Variants in RORA observed in about 807,000 individuals in gnomAD.
RORA encodes the protein nuclear receptor ROR-alpha.
Under a neutral mutation model 69.5 loss-of-function variants are expected in RORA, and 7 were observed. The ratio of observed to expected loss-of-function variants is 0.10; its 90% CI spans 0.06 to 0.19. The LOEUF is 0.19. Ranked by LOEUF, RORA falls within the 10% of genes least tolerant of loss-of-function variation. The probability of loss-of-function intolerance (pLI) is 1.00; values close to 1 mark genes in which losing one functional copy is unlikely to be tolerated. For missense variants in RORA, 457 were observed against 663.0 expected, an observed-to-expected ratio of 0.69 and a Z score of 3.41; for synonymous variants, 261 against 240.8, an observed-to-expected ratio of 1.08 and a Z score of -0.78.
At chr15:60,680,589 A>G (rs1433296414) in intron 1 of RORA, among the ~76,000 whole-genome samples, 1 of 152,170 alleles carries the variant, frequency 6.6e-6, no homozygotes, top group African/African-American at 2.4e-5. Context: ...TGGCAACAAC[A>G]CAATCTCTCG....
intron 1 of RORA, among the ~76,000 whole-genome samples, chr15:60,850,567 C>A (rs1430154105): frequency 6.6e-6 from 1 of 152,060 alleles, no homozygotes; most frequent in Admixed American, 6.6e-5. Flanking sequence ...TAAGAGACAC[C>A]CTCTCCTGTG....
chr15:60,846,362 T>C (rs955698070), intron 1 of RORA, among the ~76,000 whole-genome samples: 1 of 152,226 alleles, frequency 6.6e-6, no homozygotes, highest in East Asian at 1.9e-4. Context: ...CAAAGATCAC[T>C]GCTGATTTTC....
At chr15:60,978,166 C>T (rs1893931989) in intron 1 of RORA, among the ~76,000 whole-genome samples, 1 of 152,076 alleles carries the variant, frequency 6.6e-6, no homozygotes, top group Non-Finnish European at 1.5e-5. Flanking sequence ...AGATCATCAA[C>T]ATCATCATCA....
chr15:60,908,685 C>T (rs1322977907), intron 1 of RORA, among the ~76,000 whole-genome samples: 1 of 152,098 alleles, frequency 6.6e-6, no homozygotes, highest in East Asian at 1.9e-4. Flanking sequence ...TGGTCTCTCT[C>T]CCATTTTGTC....
intron 1 of RORA, among the ~76,000 whole-genome samples, chr15:60,735,994 T>G (rs2071492838): frequency 6.6e-6 from 1 of 152,220 alleles, no homozygotes; most frequent in South Asian, 2.1e-4. Context: ...AACACACGTT[T>G]CAGCTGTTAC....
intron 1 of RORA, chr15:61,181,375 T>C (rs1437382378): frequency 6.6e-6 from 1 of 152,112 alleles, no homozygotes; most frequent in Non-Finnish European, 1.5e-5. Context: ...TTCATCCTTC[T>C]GAAACGATGC....
intron 2 of RORA, among the ~76,000 whole-genome samples, chr15:60,653,492 C>T (rs1364146448): frequency 6.6e-6 from 1 of 152,188 alleles, no homozygotes; most frequent in Non-Finnish European, 1.5e-5. Flanking sequence ...TCACCCTCAT[C>T]ACAAAGTGAC....
intron 1 of RORA, among the ~76,000 whole-genome samples, chr15:60,868,267 T>C (rs556813752): frequency 1.3e-5 from 2 of 152,292 alleles, no homozygotes; most frequent in South Asian, 2.1e-4. Context: ...GTGAATAAAC[T>C]AGATAAGCAC....
chr15:60,803,199 G>A (rs2072611795), intron 1 of RORA, among the ~76,000 whole-genome samples: 1 of 152,182 alleles, frequency 6.6e-6, no homozygotes, highest in African/African-American at 2.4e-5. Context: ...GTTCAGGTGT[G>A]CACTAATTTA....
intron 1 of RORA, among the ~76,000 whole-genome samples, chr15:61,026,846 A>G (rs929560013): frequency 6.6e-6 from 1 of 152,130 alleles, no homozygotes; most frequent in Non-Finnish European, 1.5e-5. Context: ...CCTCTGAACA[A>G]TGCCTTTAAC....
intron 2 of RORA, among the ~76,000 whole-genome samples, chr15:60,532,146 T>G (rs1252294350): frequency 1.3e-5 from 2 of 152,222 alleles, no homozygotes; most frequent in Non-Finnish European, 2.9e-5. Context: ...GTTCGCAGTT[T>G]AGGCCTCAGA....
Position 60,864,935 on chromosome 15 carries a change from A to T in RORA, c.167-186249T>A, listed in dbSNP as rs537635718. 1.0e-3 allele frequency among the ~76,000 whole-genome samples: 152 copies of T among 152,324 alleles called. 7 individuals are homozygous for T. In the South Asian group the frequency reaches 0.028, roughly 28 times the overall value. ...TTGTTCCACATTTGGTATTGCTAGT[A>T]TTGTGGAGACTTTGTTTTACCTTGC... is the stretch of plus-strand genomic sequence containing the variant. On this transcript the variant is annotated intron_variant, in intron 1 of 10. Transcript: ENST00000335670.
intron 1 of RORA, among the ~76,000 whole-genome samples, chr15:60,968,681 T>A (rs575223108): frequency 1.3e-5 from 2 of 152,122 alleles, no homozygotes; most frequent in African/African-American, 4.8e-5. Flanking sequence ...TTTTTTTTTT[T>A]ATTAACTGAG....
At chr15:60,912,474 G>A (rs1245940708) in intron 1 of RORA, among the ~76,000 whole-genome samples, 3 of 150,998 alleles carry the variant, frequency 2.0e-5, no homozygotes, top group African/African-American at 4.9e-5. Context: ...TCACCACCTC[G>A]CCGGGCATGG....
chr15:61,015,977 G>A (rs1264918073), intron 1 of RORA, among the ~76,000 whole-genome samples: 1 of 152,184 alleles, frequency 6.6e-6, no homozygotes, highest in Non-Finnish European at 1.5e-5. Context: ...TGGCCAAGAC[G>A]ACCGGAGGGC....
At position 61,226,705 on chromosome 15, in the gene RORA, G is replaced by T. The variant is rs2080147833; in HGVS notation, c.166+2348C>A. ...TTCTGGAAGCTATTACTACTGCTGT[G>T]TTAGCTAAAGGATGCCTCCATCTCT... On this transcript the variant is annotated intron_variant, in intron 1 of 10. Transcript: ENST00000335670. The surrounding 1 kb of genome is among the most constrained non-coding windows in gnomAD (Gnocchi z 4.2). 6.6e-6 allele frequency among the ~76,000 whole-genome samples: 1 copy of T among 152,222 alleles called. No homozygotes were observed. The highest frequency in any genetic ancestry group is 2.4e-5 in the African/African-American group (1 of 41,460).
At chr15:60,896,590 C>G (rs1174531742) in intron 1 of RORA, among the ~76,000 whole-genome samples, 1 of 152,194 alleles carries the variant, frequency 6.6e-6, no homozygotes, top group Non-Finnish European at 1.5e-5. Context: ...TATTTCCCTT[C>G]CCAATCTACC....
chr15:60,521,333 C>T (rs1406995035), intron 3 of RORA, among the ~76,000 whole-genome samples: 1 of 151,644 alleles, frequency 6.6e-6, no homozygotes, highest in Admixed American at 6.6e-5. Flanking sequence ...CCTCTGCCTC[C>T]TGGGTTCAAG....
chr15:60,503,417 T>A, intron 7 of RORA, 118 bp downstream of exon 7: 1 of 914,578 alleles, frequency 1.1e-6, no homozygotes, highest in Non-Finnish European at 1.6e-6. Flanking sequence ...AAGAAAAACC[T>A]GAGCTATTAT....
Sources: allele counts gnomAD v4.1 joint callset (sites outside exome capture counted in the v4.1 genomes callset), GRCh38; gene constraint gnomAD v4.1.1; non-coding constraint Gnocchi (gnomAD v3.1); transcripts MANE v1.5; gene names NCBI Gene and HGNC (gene_info 2026-07-23, HGNC 2026-07-21).